Variants in ESR1 observed in about 807,000 individuals in gnomAD.
The protein encoded by ESR1 is estrogen receptor 1, also known as estrogen receptor.
A neutral mutation model predicts 52.7 loss-of-function variants in ESR1; 12 were observed. That is an observed-to-expected ratio of 0.23 (90% confidence interval 0.15 to 0.37). ESR1 has a LOEUF of 0.37. Among genes scored for constraint, ESR1 ranks in the 10% least tolerant of loss-of-function variants. The pLI, the probability that ESR1 is intolerant of heterozygous loss-of-function variation, is 1.00. For synonymous variants in ESR1, 305 were observed against 316.8 expected, an observed-to-expected ratio of 0.96 and a Z score of 0.39; for missense variants, 584 against 779.7, an observed-to-expected ratio of 0.75 and a Z score of 2.99.
chr6:151,693,486 G>A (rs1779094611), intron 1 of ESR1, among the ~76,000 whole-genome samples: 1 of 152,148 alleles, frequency 6.6e-6, no homozygotes. Context: ...GTGATGAGAA[G>A]GGTAACAAAA....
intron 3 of ESR1, among the ~76,000 whole-genome samples, chr6:151,886,046 T>G (rs1375730976): frequency 3.3e-5 from 5 of 152,030 alleles, no homozygotes; most frequent in African/African-American, 1.2e-4. Context: ...CTGCTGGGTT[T>G]TTTTTTTCAG....
chr6:152,115,187 T>G (rs1449423464), intron 6 of ESR1, among the ~76,000 whole-genome samples: 1 of 152,196 alleles, frequency 6.6e-6, no homozygotes, highest in Non-Finnish European at 1.5e-5. Flanking sequence ...TTATTCTATA[T>G]CTTGTTTTTA....
chr6:151,956,839 AATAAAT>A lies in ESR1; in HGVS notation c.1096+12335_1096+12340del, dbSNP rs1215783246. ...ATATATAAAAATATATATAAATATA[AATAAAT>A]ATATATATATATATATAAATATATA... On this transcript the variant is annotated intron_variant, in intron 4 of 7. Transcript: ENST00000206249. 8.5e-3 allele frequency among the ~76,000 whole-genome samples: 967 copies of A among 114,220 alleles called. 10 individuals are homozygous for A. Among genetic ancestry groups the A allele is most frequent in the African/African-American group, 0.037 (870 of 23,472 alleles). The allele number at this position is 114,220 out of a possible 152,430, so 74.9% of individuals were successfully genotyped here.
Position 151,809,869 on chromosome 6 carries a change from C to CT in ESR1, c.452+1516dup, listed in dbSNP as rs201714863. Among the ~76,000 whole-genome samples the CT allele has an allele frequency of 4.9e-3, 723 of 146,168 alleles. 7 individuals are homozygous for CT. Among genetic ancestry groups the CT allele is most frequent in the East Asian group, 0.029 (149 of 5,078 alleles). On this transcript the variant is annotated intron_variant, in intron 1 of 7. Transcript: ENST00000206249. ...GAGAAAAAGGATTTCTTCTGCCCACCTTTTTTTTTTTAAATGGAAGAACAA... is the reference window on the plus strand; with the variant it reads ...GAGAAAAAGGATTTCTTCTGCCCACCTTTTTTTTTTTTAAATGGAAGAACAA...
intron 3 of ESR1, among the ~76,000 whole-genome samples, chr6:151,908,427 A>G (rs1402832106): frequency 2.0e-5 from 3 of 152,310 alleles, no homozygotes; most frequent in Non-Finnish European, 1.5e-5. Context: ...AGTTCATTCA[A>G]TGTCATCATG....
intron 4 of ESR1, among the ~76,000 whole-genome samples, chr6:151,965,490 T>C (rs985694): frequency 0.81 from 122,764 of 151,954 alleles, 49,949 homozygotes; most frequent in Middle Eastern, 0.9. Context: ...ATATAATACA[T>C]CCCTGAAGTT....
chr6:152,063,768 C>T (rs1217938139), intron 6 of ESR1, among the ~76,000 whole-genome samples: 1 of 152,146 alleles, frequency 6.6e-6, no homozygotes, highest in African/African-American at 2.4e-5. Flanking sequence ...GGAAACGGCT[C>T]AGGAAACCTG....
chr6:151,883,327 T>C (rs1161037170), intron 3 of ESR1, among the ~76,000 whole-genome samples: 2 of 151,494 alleles, frequency 1.3e-5, no homozygotes, highest in African/African-American at 4.9e-5. Flanking sequence ...AGTTTCACTC[T>C]ATGTTGGCCA....
chr6:151,932,651 C>T (rs1475877126), intron 3 of ESR1, among the ~76,000 whole-genome samples: 1 of 147,400 alleles, frequency 6.8e-6, no homozygotes, highest in Non-Finnish European at 1.5e-5. Flanking sequence ...GGAAGGGATC[C>T]AGTTTCAGCT....
intron 4 of ESR1, among the ~76,000 whole-genome samples, chr6:151,985,158 A>T (rs2040338682): frequency 6.6e-6 from 1 of 152,026 alleles, no homozygotes; most frequent in Non-Finnish European, 1.5e-5. Flanking sequence ...GTGGGATTTC[A>T]TGCTGGTGAG....
chr6:151,787,722 T>A (rs916100082), intron 2 of ESR1, among the ~76,000 whole-genome samples: 4 of 152,168 alleles, frequency 2.6e-5, no homozygotes, highest in Non-Finnish European at 5.9e-5. Flanking sequence ...CTGAAGTTGT[T>A]TATCAGCTGA....
At chr6:151,850,957 A>G (rs1230295493) in intron 2 of ESR1, among the ~76,000 whole-genome samples, 4 of 152,018 alleles carry the variant, frequency 2.6e-5, no homozygotes, top group African/African-American at 9.7e-5. Context: ...TTGTTGCGAG[A>G]CATTCTGCAC....
intron 1 of ESR1, among the ~76,000 whole-genome samples, chr6:151,833,133 G>GGCT (rs1782720945): frequency 6.6e-6 from 1 of 152,146 alleles, no homozygotes; most frequent in Non-Finnish European, 1.5e-5. Flanking sequence ...TGTGAGTGAA[G>GGCT]GCTAGAGGTG....
intron 4 of ESR1, among the ~76,000 whole-genome samples, chr6:151,972,714 T>C (rs2039034899): frequency 6.6e-6 from 1 of 152,146 alleles, no homozygotes; most frequent in African/African-American, 2.4e-5. Flanking sequence ...TAGATGTATA[T>C]ATAAAGGGGA....
chr6:151,659,766 G>A (rs1384362670), intron 1 of ESR1, among the ~76,000 whole-genome samples: 1 of 152,098 alleles, frequency 6.6e-6, no homozygotes, highest in Non-Finnish European at 1.5e-5. Flanking sequence ...ACTGAAAAAA[G>A]AATAGAAAAT....
At chr6:152,124,074 A>G (rs1201200035) in intron 6 of ESR1, among the ~76,000 whole-genome samples, 1 of 152,252 alleles carries the variant, frequency 6.6e-6, no homozygotes, top group African/African-American at 2.4e-5. Flanking sequence ...CTGTAATCCC[A>G]GCGCTTTGGG....
At chr6:151,841,691 T>C (rs1784303453) in intron 1 of ESR1, among the ~76,000 whole-genome samples, 2 of 152,236 alleles carry the variant, frequency 1.3e-5, no homozygotes. Context: ...CAGTTTCCTT[T>C]CTGTGTTCCT....
At position 152,094,687 on chromosome 6, in the gene ESR1, C is replaced by A; in HGVS notation, c.1553+119C>A. 1.1e-6 allele frequency: 1 copy of A among 902,666 alleles called. No homozygotes were observed. Among genetic ancestry groups the A allele is most frequent in the Non-Finnish European group, 1.8e-6 (1 of 569,448 alleles). 55.9% of individuals were successfully genotyped at this position (902,666 alleles called of 1,614,324 possible). A position where few individuals can be genotyped will look rare whatever the true frequency, so the allele number is the denominator to read the frequency against. On this transcript the variant is annotated intron_variant, in intron 7 of 7. Transcript: ENST00000206249. This position sits in a 1 kb window ranked among gnomAD's most constrained non-coding sequence, Gnocchi z 4.6. ...TATGGAGAGTGCACTTGTGACAGTT[C>A]CTGGCATAGAATAAGCATAAATGCT...
At chr6:151,971,406 A>G (rs1254489890) in intron 4 of ESR1, among the ~76,000 whole-genome samples, 1 of 151,966 alleles carries the variant, frequency 6.6e-6, no homozygotes, top group Admixed American at 6.6e-5. Context: ...TTACATACCC[A>G]TAGCTTAGCT....
Sources: allele counts gnomAD v4.1 joint callset (sites outside exome capture counted in the v4.1 genomes callset), GRCh38; gene constraint gnomAD v4.1.1; non-coding constraint Gnocchi (gnomAD v3.1); transcripts MANE v1.5; gene names NCBI Gene and HGNC (gene_info 2026-07-23, HGNC 2026-07-21).